The following ERBIN variants were observed in gnomAD, a reference collection of about 807,000 sequenced individuals.
The protein encoded by ERBIN is densin-180-like protein.
A neutral mutation model predicts 158.4 loss-of-function variants in ERBIN; 60 were observed. The ratio of observed to expected loss-of-function variants is 0.38; its 90% CI spans 0.31 to 0.47. The LOEUF (loss-of-function observed/expected upper bound fraction) is 0.47. Ranked by LOEUF, ERBIN falls within the 20% of genes least tolerant of loss-of-function variation. ERBIN has a pLI of 0.99. For synonymous variants in ERBIN, 594 were observed against 557.2 expected (o/e 1.07, Z -0.93); for missense variants, 1,610 against 1,648.0 (o/e 0.98, Z 0.40).
rs1482997831 is a variant in ERBIN, at chr5:66,072,235, A to T, written c.3700A>T (p.Asn1234Tyr). ...QDGIFISGQQ[N>Y]YSSATLSHKD... is the part of the protein sequence containing the mutation. ...TGGTATATTCATTTCAGGACAGCAGAACTACTCATCAGCCACACTTAGTCA... is the reference window on the plus strand; with the variant it reads ...TGGTATATTCATTTCAGGACAGCAGTACTACTCATCAGCCACACTTAGTCA... Residue 1234 changes from asparagine to tyrosine, a missense_variant, in exon 22 of 26, where the codon AAC becomes TAC. Asn to Tyr is a moderately radical substitution (Grantham distance 143). Transcript: ENST00000284037. The T allele has an allele frequency of 3.2e-6, 5 of 1,550,388 alleles. No homozygotes were observed. The highest frequency in any genetic ancestry group is 4.4e-6 in the Non-Finnish European group (5 of 1,146,946).
At chr5:65,960,062 G>A (rs777197682) in intron 1 of ERBIN, among the ~76,000 whole-genome samples, 1 of 152,210 alleles carries the variant, frequency 6.6e-6, no homozygotes, top group Non-Finnish European at 1.5e-5. Flanking sequence ...AGCTTTAATA[G>A]TCCACAAATT....
intron 6 of ERBIN, 98 bp downstream of exon 6, chr5:66,013,736 A>G: frequency 2.9e-6 from 2 of 697,874 alleles, no homozygotes; most frequent in Non-Finnish European, 4.9e-6. Context: ...ACAGTTTCAT[A>G]GGCTCTTTTT....
At position 65,968,740 on chromosome 5, in the gene ERBIN, T is replaced by C. The variant is rs767197051; in HGVS notation, c.-57-19895T>C. Reference sequence around the variant, plus strand: ...TATGCCCTGCTAATTTTTCTATTTTTAGTAGAGACAGGGTTCCCTGTGTTG... The same window carrying C: ...TATGCCCTGCTAATTTTTCTATTTTCAGTAGAGACAGGGTTCCCTGTGTTG... On this transcript the variant is annotated intron_variant, in intron 1 of 25. Transcript: ENST00000284037. Among the ~76,000 whole-genome samples the C allele has an allele frequency of 3.0e-4, 45 of 152,212 alleles. 1 individual carries two copies. The highest frequency in any genetic ancestry group is 4.4e-4 in the Non-Finnish European group (30 of 68,008).
intron 14 of ERBIN, among the ~76,000 whole-genome samples, chr5:66,029,872 G>C (rs1303579985): frequency 6.6e-6 from 1 of 152,096 alleles, no homozygotes; most frequent in African/African-American, 2.4e-5. Context: ...TTACAGGCGT[G>C]AGCCACCACA....
rs369529917 is a variant in ERBIN, at chr5:66,081,952, G to A, written c.*3422G>A. The A allele has an allele frequency of 2.6e-5, 4 of 151,884 alleles. No individual in the cohort carries two copies. In the South Asian group the frequency reaches 8.3e-4, roughly 32 times the overall value. 9.4% of individuals were successfully genotyped at this position (151,884 alleles called of 1,614,324 possible). On this transcript the variant is annotated 3_prime_UTR_variant, in exon 26 of 26. Coordinates refer to ENST00000284037, the MANE Select transcript of ERBIN (RefSeq NM_001253697.2). ...ACAGGCAGCCAACTCAGACCTTTGGGTATTCCTTTGTTTCTAAATAAGGAC... is the reference window on the plus strand; with the variant it reads ...ACAGGCAGCCAACTCAGACCTTTGGATATTCCTTTGTTTCTAAATAAGGAC...
At chr5:66,015,762 A>G (rs1042936297) in intron 7 of ERBIN, among the ~76,000 whole-genome samples, 5 of 152,138 alleles carry the variant, frequency 3.3e-5, no homozygotes, top group Non-Finnish European at 7.4e-5. Flanking sequence ...GCTTGAGTCC[A>G]AGAGTTTGCA....
intron 21 of ERBIN, 110 bp downstream of exon 21, chr5:66,055,061 GT>G: frequency 7.0e-7 from 1 of 1,426,480 alleles, no homozygotes; most frequent in South Asian, 1.6e-5. Flanking sequence ...TATTCTAGGT[GT>G]TTTTCTCTGG....
chr5:65,932,857 C>T (rs548402410), intron 1 of ERBIN, among the ~76,000 whole-genome samples: 1 of 152,098 alleles, frequency 6.6e-6, no homozygotes, highest in Non-Finnish European at 1.5e-5. Context: ...AGTGCAGTGG[C>T]ATACTCACGG....
At chr5:66,031,574 C>G (rs977598601) in intron 14 of ERBIN, among the ~76,000 whole-genome samples, 1 of 152,212 alleles carries the variant, frequency 6.6e-6, no homozygotes, top group Non-Finnish European at 1.5e-5. Flanking sequence ...GTTCACACCT[C>G]TGATCCCAGA....
intron 1 of ERBIN, among the ~76,000 whole-genome samples, chr5:65,976,424 G>A (rs1438765750): frequency 6.6e-6 from 1 of 152,098 alleles, no homozygotes; most frequent in Non-Finnish European, 1.5e-5. Flanking sequence ...AGTGAGCTGA[G>A]ATCGCACCAC....
intron 13 of ERBIN, 94 bp from the exon 14 acceptor site, chr5:66,028,180 T>C: frequency 1.2e-6 from 1 of 826,160 alleles, no homozygotes; most frequent in Non-Finnish European, 1.9e-6. Context: ...TGCAACTATA[T>C]AGCATTTTTC....
chr5:66,072,739 A>G (rs963621957), intron 22 of ERBIN, among the ~76,000 whole-genome samples: 7 of 152,196 alleles, frequency 4.6e-5, no homozygotes, highest in Non-Finnish European at 8.8e-5. Context: ...AGAATAGATG[A>G]TGGTTGTGTT....
chr5:66,043,082 T>C lies in ERBIN; in HGVS notation c.1312T>C (p.Phe438Leu). 1 of 1,597,190 alleles carries C rather than the reference T, an allele frequency of 6.3e-7. No homozygotes were observed. Among genetic ancestry groups the C allele is most frequent in the Non-Finnish European group, 8.6e-7 (1 of 1,166,816 alleles). ...PQQPRTEDVMFISDNESFNPS... is the reference protein window; with the variant it reads ...PQQPRTEDVMLISDNESFNPS... ...TGTTTTTTACTTTTCTCTAGTTATG[T>C]TTATATCAGATAATGAAAGTTTTAA... The change falls in exon 16 of 26, where the codon TTT becomes CTT. Residue 438 changes from phenylalanine (F) to leucine (L), a missense_variant. This residue lies in a region of ERBIN where 596 missense variants were observed against 711.9 expected (regional missense o/e 0.84). Transcript: ENST00000284037.
chr5:65,978,741 ATAAT>A (rs1318615290), intron 1 of ERBIN, among the ~76,000 whole-genome samples: 6 of 152,230 alleles, frequency 3.9e-5, no homozygotes, highest in Non-Finnish European at 1.5e-5. Flanking sequence ...CAAAAATCAA[ATAAT>A]TAAGCATGAT....
intron 14 of ERBIN, among the ~76,000 whole-genome samples, chr5:66,032,669 TG>T (rs1757006373): frequency 6.6e-6 from 1 of 152,088 alleles, no homozygotes; most frequent in Admixed American, 6.5e-5. Context: ...CAGGGGTTAG[TG>T]CCAAGCATGA....
chr5:65,958,350 G>A (rs1207836290), intron 1 of ERBIN, among the ~76,000 whole-genome samples: 5 of 139,492 alleles, frequency 3.6e-5, no homozygotes, highest in South Asian at 2.3e-4. Flanking sequence ...GAGTGAACGA[G>A]GACTCCATCT....
At chr5:66,008,638 CAT>C (rs1286254957) in intron 4 of ERBIN, among the ~76,000 whole-genome samples, 1 of 152,052 alleles carries the variant, frequency 6.6e-6, no homozygotes, top group Middle Eastern at 3.2e-3. Context: ...TAGACTTTAT[CAT>C]GTACTAAAAA....
intron 25 of ERBIN, 92 bp downstream of exon 25, chr5:66,077,041 G>C (rs1561463796): frequency 1.0e-6 from 1 of 972,344 alleles, no homozygotes; most frequent in Non-Finnish European, 1.5e-6. Flanking sequence ...GAAAATTGTG[G>C]GTGGGAGGCT....
chr5:66,024,538 G>C (rs1303742238), intron 10 of ERBIN, 88 bp downstream of exon 10: 1 of 1,226,822 alleles, frequency 8.2e-7, no homozygotes, highest in Non-Finnish European at 1.1e-6. Context: ...TTATGAGGTA[G>C]TTATACTTCG....
Sources: allele counts gnomAD v4.1 joint callset (sites outside exome capture counted in the v4.1 genomes callset), GRCh38; gene constraint gnomAD v4.1.1; regional missense constraint gnomAD v4.1.1; transcripts MANE v1.5; gene names NCBI Gene and HGNC (gene_info 2026-07-23, HGNC 2026-07-21).